TBC1D1: variants seen among roughly 807,000 people sequenced by gnomAD.
TBC1D1 encodes TBC1 (tre-2/USP6, BUB2, cdc16) domain family, member 1.
A neutral mutation model predicts 125.6 loss-of-function variants in TBC1D1; 89 were observed. The observed-to-expected ratio is 0.71, with a 90% confidence interval of 0.60 to 0.85. TBC1D1 has a LOEUF of 0.85. Among genes scored for constraint, TBC1D1 ranks in the 40% least tolerant of loss-of-function variants. The pLI, the probability that TBC1D1 is intolerant of heterozygous loss-of-function variation, is 0.00. For missense variants in TBC1D1, 1,377 were observed against 1,469.2 expected (o/e 0.94, Z 1.03); for synonymous variants, 565 against 564.1 (o/e 1.00, Z -0.02).
intron 6 of TBC1D1, 48 bp downstream of exon 6, chr4:38,021,766 C>G: frequency 6.9e-7 from 1 of 1,444,086 alleles, no homozygotes; most frequent in East Asian, 2.7e-5. Context: ...AGTTAAAGGT[C>G]CCAGGAGAAC....
At chr4:38,024,599 G>A (rs1744702242) in intron 6 of TBC1D1, among the ~76,000 whole-genome samples, 1 of 152,148 alleles carries the variant, frequency 6.6e-6, no homozygotes, top group African/African-American at 2.4e-5. Context: ...AGTCTGGTGG[G>A]GGTATGTTTT....
chr4:38,053,132 A>G (rs751987071), intron 11 of TBC1D1: 1 of 1,529,122 alleles, frequency 6.5e-7, no homozygotes, highest in South Asian at 1.3e-5. Context: ...GCCCTGCGGA[A>G]AAAACTTCAT....
intron 17 of TBC1D1, 90 bp from the exon 20 acceptor site, chr4:38,124,872 C>G (rs778336643): frequency 8.9e-7 from 1 of 1,125,340 alleles, no homozygotes; most frequent in Non-Finnish European, 1.3e-6. Flanking sequence ...CTCCCACACT[C>G]CTGCTCTGTG....
At chr4:38,052,031 A>G (rs1384279745) in intron 11 of TBC1D1, 3 of 1,550,984 alleles carry the variant, frequency 1.9e-6, no homozygotes, top group Non-Finnish European at 2.6e-6. Context: ...ATTCCAGTGG[A>G]GAACAAAGTG....
At chr4:38,110,265 A>G (rs1319379611) in intron 15 of TBC1D1, 1 of 985,252 alleles carries the variant, frequency 1.0e-6, no homozygotes, top group African/African-American at 1.7e-5. Flanking sequence ...CACCTGCAAG[A>G]TCTCTTGAGG....
intron 2 of TBC1D1, among the ~76,000 whole-genome samples, chr4:37,949,443 T>G (rs1417047171): frequency 6.6e-6 from 1 of 152,250 alleles, no homozygotes; most frequent in Non-Finnish European, 1.5e-5. Context: ...ATGAGACTTC[T>G]GAGGCACATG....
At chr4:38,020,724 G>A in intron 5 of TBC1D1, 29 bp downstream of exon 5, 1 of 1,591,242 alleles carries the variant, frequency 6.3e-7, no homozygotes, top group Non-Finnish European at 8.6e-7. Context: ...TTCTTACCTT[G>A]GAACCTTCTT....
chr4:38,038,685 C>T (rs931271312), intron 8 of TBC1D1, among the ~76,000 whole-genome samples: 20 of 152,148 alleles, frequency 1.3e-4, no homozygotes, highest in African/African-American at 3.1e-4. Flanking sequence ...CAGTGGCTCA[C>T]GCCTGTAATC....
At chr4:37,913,651 G>GTA (rs1291874588) in intron 2 of TBC1D1, among the ~76,000 whole-genome samples, 20 of 151,100 alleles carry the variant, frequency 1.3e-4, no homozygotes, top group East Asian at 7.8e-4. Flanking sequence ...GTGTGTGTGT[G>GTA]TGTATATATA....
At chr4:37,920,784 G>T (rs920478697) in intron 2 of TBC1D1, among the ~76,000 whole-genome samples, 6 of 152,138 alleles carry the variant, frequency 3.9e-5, no homozygotes, top group African/African-American at 1.4e-4. Context: ...CTATGGGACC[G>T]CATTGTCCCA....
intron 2 of TBC1D1, among the ~76,000 whole-genome samples, chr4:37,905,062 A>G (rs1717017876): frequency 6.6e-6 from 1 of 152,216 alleles, no homozygotes; most frequent in Admixed American, 6.5e-5. Flanking sequence ...ACACAAAACT[A>G]CAGTTTGCGA....
At chr4:37,906,780 C>T (rs1266737570) in intron 2 of TBC1D1, among the ~76,000 whole-genome samples, 1 of 152,126 alleles carries the variant, frequency 6.6e-6, no homozygotes, top group African/African-American at 2.4e-5. Context: ...TTTGAAGACC[C>T]CTTGTATACT....
At chr4:37,923,024 G>T (rs1282392591) in intron 2 of TBC1D1, among the ~76,000 whole-genome samples, 2 of 151,872 alleles carry the variant, frequency 1.3e-5, no homozygotes, top group Non-Finnish European at 2.9e-5. Flanking sequence ...TGTTACATAA[G>T]TATACATGTA....
At chr4:38,110,056 C>A (rs1056912826) in intron 15 of TBC1D1, 7 of 209,968 alleles carry the variant, frequency 3.3e-5, no homozygotes, top group African/African-American at 1.4e-4. Context: ...TGTGCAGAGC[C>A]ACCGTGAGAC....
At position 37,960,732 on chromosome 4, in the gene TBC1D1, A is replaced by G. The variant is rs370586935; in HGVS notation, c.418-53777A>G. 224 of 1,614,064 alleles carry G rather than the reference A, an allele frequency of 1.4e-4. No individual in the cohort carries two copies. The African/African-American group carries it at 1.5e-3, about 11-fold the overall frequency. On this transcript the variant is annotated intron_variant, in intron 2 of 19. Transcript: ENST00000261439. ...AAAGATGACCGAGAAGACTGTTAAAACAAAAAGTTCTGTTCCTGCCTCAGA... is the reference window on the plus strand; with the variant it reads ...AAAGATGACCGAGAAGACTGTTAAAGCAAAAAGTTCTGTTCCTGCCTCAGA...
At chr4:37,941,136 G>A (rs1725478382) in intron 2 of TBC1D1, among the ~76,000 whole-genome samples, 1 of 152,204 alleles carries the variant, frequency 6.6e-6, no homozygotes. Context: ...GAATTCGGCT[G>A]TGAATCCATC....
intron 14 of TBC1D1, 93 bp downstream of exon 16, chr4:38,096,183 G>C: frequency 9.8e-7 from 1 of 1,016,786 alleles, no homozygotes; most frequent in South Asian, 1.7e-5. Context: ...TCTAATTTTA[G>C]TGGCCATCTC....
chr4:37,913,195 A>G (rs887097852), intron 2 of TBC1D1, among the ~76,000 whole-genome samples: 2 of 152,216 alleles, frequency 1.3e-5, no homozygotes, highest in African/African-American at 4.8e-5. Context: ...AAAGTCAGAC[A>G]GATCCTAATT....
Position 37,977,316 on chromosome 4 carries a change from CG to C in TBC1D1, c.418-37190del, listed in dbSNP as rs1733347344. ...TCCCTTTCTCTGCCTGGCCGCCCCG[CG>C]GGCGCGACCTCTCGGGGCAGTGACG... On this transcript the variant is annotated intron_variant, in intron 2 of 19. Coordinates refer to ENST00000261439, the MANE Select transcript of TBC1D1 (RefSeq NM_015173.4). The surrounding 1 kb of genome is among the most constrained non-coding windows in gnomAD (Gnocchi z 4.3). The C allele has an allele frequency of 6.5e-6, 1 of 154,474 alleles. No individual in the cohort carries two copies. Among genetic ancestry groups the C allele is most frequent in the South Asian group, 1.8e-4 (1 of 5,612 alleles). The allele number at this position is 154,474 out of a possible 1,614,324, so 9.6% of individuals were successfully genotyped here.
Sources: gnomAD v4.1 joint callset for allele counts (sites outside exome capture counted in the v4.1 genomes callset) on GRCh38, gnomAD v4.1.1 for gene constraint, Gnocchi (gnomAD v3.1) non-coding constraint, MANE v1.5 for transcripts, NCBI Gene and HGNC (gene_info 2026-07-23, HGNC 2026-07-21) for gene names.